The following BLTP1 variants were observed in gnomAD, a reference collection of about 807,000 sequenced individuals.
BLTP1 encodes the protein fragile site-associated protein.
At chr4:122,335,328 C>T in the BLTP1 span, among the ~76,000 whole-genome samples, 37 of 152,078 alleles carry the variant, frequency 2.4e-4, no homozygotes, top group Non-Finnish European at 3.8e-4. Flanking sequence ...CAGGTCAGTA[C>T]GGAAGTAAAC....
At chr4:122,242,518 T>G in the BLTP1 span, among the ~76,000 whole-genome samples, 1 of 152,200 alleles carries the variant, frequency 6.6e-6, no homozygotes, top group Non-Finnish European at 1.5e-5. Context: ...TTTTTTGCCA[T>G]TAAGTCTAAA....
At chr4:122,175,402 T>A in the BLTP1 span, 9 of 422,822 alleles carry the variant, frequency 2.1e-5, no homozygotes, top group South Asian at 6.0e-4. Context: ...GTTTCTCTTT[T>A]GTGTGCTAAC....
chr4:122,261,980 A>T, the BLTP1 span: 7 of 985,240 alleles, frequency 7.1e-6, no homozygotes, highest in Non-Finnish European at 8.4e-6. Flanking sequence ...TTGCGTCAAC[A>T]TTTCTTGCTA....
the BLTP1 span, chr4:122,266,727 T>A: frequency 2.1e-6 from 3 of 1,426,756 alleles, no homozygotes; most frequent in Non-Finnish European, 2.8e-6. Flanking sequence ...ACATGTAATT[T>A]CTACAGTAAA....
the BLTP1 span, chr4:122,244,729 A>G: frequency 1.1e-5 from 6 of 546,544 alleles, no homozygotes; most frequent in Non-Finnish European, 1.4e-5. Context: ...GATTCTTATG[A>G]TATGTCATAT....
At chr4:122,201,170 G>T in the BLTP1 span, 2 of 1,436,862 alleles carry the variant, frequency 1.4e-6, no homozygotes, top group South Asian at 2.5e-5. Context: ...TTATCACAGT[G>T]AACTTGTTTA....
At chr4:122,179,891 A>T in the BLTP1 span, 1 of 985,262 alleles carries the variant, frequency 1.0e-6, no homozygotes, top group East Asian at 1.1e-4. Context: ...TGCCCCCCAC[A>T]TACAGACAGG....
the BLTP1 span, among the ~76,000 whole-genome samples, chr4:122,218,863 T>G: frequency 6.6e-6 from 1 of 152,206 alleles, no homozygotes; most frequent in East Asian, 1.9e-4. Flanking sequence ...ATATTTTTAT[T>G]AAAGCTGTTA....
At chr4:122,168,605 G>C in the BLTP1 span, among the ~76,000 whole-genome samples, 3 of 151,946 alleles carry the variant, frequency 2.0e-5, no homozygotes, top group South Asian at 2.1e-4. Flanking sequence ...ACTTAAGAGG[G>C]AAGAAAGAGA....
the BLTP1 span, chr4:122,226,869 C>T: frequency 4.7e-6 from 7 of 1,500,540 alleles, no homozygotes; most frequent in Non-Finnish European, 5.4e-6. Flanking sequence ...ATATTATAAA[C>T]ATTTATGAAT....
the BLTP1 span, chr4:122,333,547 G>A: frequency 1.4e-6 from 2 of 1,404,274 alleles, no homozygotes; most frequent in East Asian, 5.1e-5. Flanking sequence ...TGTCAGATGA[G>A]TAGGTTGCGA....
At chr4:122,242,359 TG>T in the BLTP1 span, among the ~76,000 whole-genome samples, 3 of 152,054 alleles carry the variant, frequency 2.0e-5, no homozygotes, top group Admixed American at 2.0e-4. Flanking sequence ...CTCTGTTAAG[TG>T]AAATAAGTAA....
At chr4:122,191,539 A>G in the BLTP1 span, among the ~76,000 whole-genome samples, 1 of 152,194 alleles carries the variant, frequency 6.6e-6, no homozygotes, top group East Asian at 1.9e-4. Flanking sequence ...GCATGATGTT[A>G]CAAAAGTCAT....
At chr4:122,357,432 A>C in the BLTP1 span, among the ~76,000 whole-genome samples, 2 of 151,888 alleles carry the variant, frequency 1.3e-5, no homozygotes, top group Admixed American at 6.6e-5. Flanking sequence ...GTGTGGTGGC[A>C]CATACCTGTA....
chr4:122,172,692 G>C, the BLTP1 span, among the ~76,000 whole-genome samples: 1 of 152,146 alleles, frequency 6.6e-6, no homozygotes, highest in Non-Finnish European at 1.5e-5. Flanking sequence ...GAATGAACTT[G>C]TGTATAGATG....
the BLTP1 span, chr4:122,239,946 C>A: frequency 6.2e-7 from 1 of 1,613,962 alleles, no homozygotes. Context: ...GAAGAAAAAG[C>A]AAACCCAGCA....
At chr4:122,298,951 G>C in the BLTP1 span, 1 of 985,180 alleles carries the variant, frequency 1.0e-6, no homozygotes, top group Non-Finnish European at 1.2e-6. Flanking sequence ...GAGTGTGTTG[G>C]AGAAATGACA....
chr4:122,180,702 TG>T, the BLTP1 span, among the ~76,000 whole-genome samples: 1 of 152,258 alleles, frequency 6.6e-6, no homozygotes, highest in Non-Finnish European at 1.5e-5. Context: ...TATTTAATTA[TG>T]TAATTGGGAC....
chr4:122,265,686 TA>T, the BLTP1 span, among the ~76,000 whole-genome samples: 1 of 151,908 alleles, frequency 6.6e-6, no homozygotes, highest in South Asian at 2.1e-4. Context: ...TCCATTTAGA[TA>T]TTTTTTTGTT....
Sources: gnomAD v4.1 joint callset for allele counts (sites outside exome capture counted in the v4.1 genomes callset) on GRCh38, gnomAD v4.1.1 for gene constraint, MANE v1.5 for transcripts, NCBI Gene and HGNC (gene_info 2026-07-23, HGNC 2026-07-21) for gene names.